Variants in RBFOX3 observed in about 807,000 individuals in gnomAD.
RBFOX3 encodes RNA binding protein fox-1 homolog 3.
Under a neutral mutation model 48.7 loss-of-function variants are expected in RBFOX3, and 17 were observed. That is an observed-to-expected ratio of 0.35 (90% CI 0.24 to 0.52). The LOEUF is 0.52. RBFOX3 is among the 20% of genes least tolerant of loss of function. The pLI, the probability that RBFOX3 is intolerant of heterozygous loss-of-function variation, is 0.94. For synonymous variants in RBFOX3, 212 were observed against 209.5 expected (o/e 1.01, Z -0.10); for missense variants, 382 against 497.5 (o/e 0.77, Z 2.21).
intron 3 of RBFOX3, among the ~76,000 whole-genome samples, chr17:79,263,175 G>A (rs1056335343): frequency 6.6e-6 from 1 of 152,180 alleles, no homozygotes; most frequent in African/African-American, 2.4e-5. Flanking sequence ...CCCCCCGGCT[G>A]TGCTGCCTCC....
intron 1 of RBFOX3, among the ~76,000 whole-genome samples, chr17:79,582,847 G>A (rs926883353): frequency 3.5e-5 from 5 of 142,964 alleles, no homozygotes; most frequent in East Asian, 2.3e-4. Context: ...GGCTAGCAGC[G>A]CCCTGCCCTG....
chr17:79,566,505 G>A lies in RBFOX3; in HGVS notation c.-320+44321C>T, dbSNP rs996521266. On this transcript the variant is annotated intron_variant, in intron 1 of 14. Coordinates refer to ENST00000693108, the MANE Select transcript of RBFOX3 (RefSeq NM_001350451.2). Reference sequence around the variant, plus strand: ...TGCATCCTGGGGTGGGCCAGGGGACGGGGGAAGAGCTGAGGTCCACAGCAG... The same window carrying A: ...TGCATCCTGGGGTGGGCCAGGGGACAGGGGAAGAGCTGAGGTCCACAGCAG... Among the ~76,000 whole-genome samples the A allele has an allele frequency of 5.3e-5, 8 of 152,310 alleles. No homozygotes were observed. The East Asian group carries it at 1.2e-3, about 22-fold the overall frequency.
At chr17:79,357,405 A>G (rs1188880989) in intron 2 of RBFOX3, among the ~76,000 whole-genome samples, 1 of 152,236 alleles carries the variant, frequency 6.6e-6, no homozygotes. Flanking sequence ...AGGCAGGTGA[A>G]TCACCTGAGG....
At chr17:79,231,925 A>G (rs2061081017) in intron 4 of RBFOX3, among the ~76,000 whole-genome samples, 1 of 152,232 alleles carries the variant, frequency 6.6e-6, no homozygotes, top group Admixed American at 6.5e-5. Flanking sequence ...TATAAAGGAA[A>G]GAGGTTTAGT....
intron 3 of RBFOX3, among the ~76,000 whole-genome samples, chr17:79,274,053 A>G (rs908679724): frequency 2.0e-5 from 3 of 152,104 alleles, no homozygotes; most frequent in African/African-American, 7.2e-5. Context: ...CTGCTGAGCC[A>G]GGGCAGGGGC....
intron 1 of RBFOX3, among the ~76,000 whole-genome samples, chr17:79,568,052 C>G: frequency 6.6e-6 from 1 of 152,336 alleles, no homozygotes; most frequent in South Asian, 2.1e-4. Flanking sequence ...AGTCACACTG[C>G]GTGTACTTGC....
intron 1 of RBFOX3, among the ~76,000 whole-genome samples, chr17:79,502,996 T>C (rs1341705541): frequency 6.6e-6 from 1 of 152,232 alleles, no homozygotes; most frequent in Non-Finnish European, 1.5e-5. Context: ...TTTCCCACAG[T>C]TCTGCAGGCT....
chr17:79,534,601 T>G (rs1415298679), intron 1 of RBFOX3, among the ~76,000 whole-genome samples: 2 of 152,176 alleles, frequency 1.3e-5, no homozygotes, highest in African/African-American at 4.8e-5. Flanking sequence ...ACACCACTGG[T>G]CCCTGAAGCT....
intron 2 of RBFOX3, among the ~76,000 whole-genome samples, chr17:79,350,643 C>A (rs1448660220): frequency 1.3e-5 from 2 of 152,200 alleles, no homozygotes; most frequent in African/African-American, 4.8e-5. Context: ...ATGCCTCTGT[C>A]CCTGAGAAAG....
chr17:79,399,082 C>A (rs1484115134), intron 2 of RBFOX3, among the ~76,000 whole-genome samples: 1 of 152,148 alleles, frequency 6.6e-6, no homozygotes, highest in African/African-American at 2.4e-5. Context: ...AGCCCGGGAA[C>A]CCCTCGGGTG....
chr17:79,551,387 G>T (rs887589716), intron 1 of RBFOX3, among the ~76,000 whole-genome samples: 10 of 152,128 alleles, frequency 6.6e-5, no homozygotes, highest in Non-Finnish European at 1.2e-4. Flanking sequence ...CAATGTTGGA[G>T]GTGGGGCCTG....
intron 1 of RBFOX3, among the ~76,000 whole-genome samples, chr17:79,497,628 G>A (rs970138075): frequency 3.9e-5 from 6 of 152,318 alleles, no homozygotes; most frequent in East Asian, 1.9e-4. Flanking sequence ...GAGTAAACAC[G>A]AAGCTCTAGA....
rs2064173738 is a variant in RBFOX3 at position 79,252,765 on chromosome 17, G to GCC, written c.-73-16962_-73-16961dup. Among the ~76,000 whole-genome samples the GCC allele has an allele frequency of 6.6e-6, 1 of 152,128 alleles. No individual in the cohort carries two copies. The highest frequency in any genetic ancestry group is 6.5e-5 in the Admixed American group (1 of 15,278). ...CTCCCAGCCAACTGCCCCTCTCAAT[G>GCC]CCCCTCTCCTTTCCCTTCCTTTTTG... On this transcript the variant is annotated intron_variant, in intron 3 of 14. Coordinates refer to ENST00000693108, the MANE Select transcript of RBFOX3 (RefSeq NM_001350451.2). This position sits in a 1 kb window ranked among gnomAD's most constrained non-coding sequence, Gnocchi z 4.0.
intron 2 of RBFOX3, among the ~76,000 whole-genome samples, chr17:79,405,036 G>A (rs918388890): frequency 5.9e-5 from 9 of 152,254 alleles, no homozygotes; most frequent in Middle Eastern, 3.4e-3. Context: ...AGACTATGAG[G>A]GCCTCCCAAG....
At chr17:79,533,039 T>C (rs1306059798) in intron 1 of RBFOX3, among the ~76,000 whole-genome samples, 3 of 152,250 alleles carry the variant, frequency 2.0e-5, no homozygotes, top group Non-Finnish European at 2.9e-5. Context: ...CTGTCTCAAG[T>C]GCCAGGCAAG....
chr17:79,492,981 T>C (rs1274367147), intron 1 of RBFOX3, among the ~76,000 whole-genome samples: 1 of 152,150 alleles, frequency 6.6e-6, no homozygotes, highest in East Asian at 1.9e-4. Context: ...TGTTCTTGCA[T>C]TGCTATACAG....
intron 2 of RBFOX3, among the ~76,000 whole-genome samples, chr17:79,440,744 C>A (rs782103318): frequency 6.6e-6 from 1 of 152,174 alleles, no homozygotes; most frequent in Non-Finnish European, 1.5e-5. Context: ...GCCATACCCC[C>A]CTTCCCCATG....
At chr17:79,633,495 A>G in the RBFOX3 span, among the ~76,000 whole-genome samples, 1 of 152,102 alleles carries the variant, frequency 6.6e-6, no homozygotes, top group Non-Finnish European at 1.5e-5. Context: ...GGTCTCATGG[A>G]TGCACAGGTG....
At chr17:79,144,555 T>C (rs2042625863) in intron 4 of RBFOX3, among the ~76,000 whole-genome samples, 1 of 151,872 alleles carries the variant, frequency 6.6e-6, no homozygotes, top group African/African-American at 2.4e-5. Flanking sequence ...TGAGAGGAGT[T>C]GGTGGGTGGA....
Sources: gnomAD v4.1 joint callset for allele counts (sites outside exome capture counted in the v4.1 genomes callset) on GRCh38, gnomAD v4.1.1 for gene constraint, Gnocchi (gnomAD v3.1) non-coding constraint, MANE v1.5 for transcripts, NCBI Gene and HGNC (gene_info 2026-07-23, HGNC 2026-07-21) for gene names.